HAPLN4: variants seen among roughly 807,000 people sequenced by gnomAD.
The protein encoded by HAPLN4 is hyaluronan and proteoglycan link protein 4.
HAPLN4 carries 19 observed loss-of-function variants against 28.0 expected under a neutral mutation model. The ratio of observed to expected loss-of-function variants is 0.68; its 90% confidence interval spans 0.47 to 1.00. The LOEUF (loss-of-function observed/expected upper bound fraction) is 1.00, where lower values mean the gene tolerates loss of function less well. Ranked by LOEUF, HAPLN4 falls within the 50% of genes least tolerant of loss-of-function variation. The pLI is 0.00. For synonymous variants in HAPLN4, 274 were observed against 273.0 expected (o/e 1.00, Z -0.03); for missense variants, 587 against 602.6 (o/e 0.97, Z 0.27).
At position 19,258,836 on chromosome 19, in the gene HAPLN4, G is replaced by T. The variant is rs756777177; in HGVS notation, c.504C>A (p.His168Gln). The change falls in exon 4 of 5, where the codon CAC becomes CAA. Residue 168 changes from histidine to glutamine, a missense_variant. Physicochemically the swap from His to Gln is conservative, Grantham distance 24. Transcript: ENST00000291481. This position sits in a 1 kb window ranked among gnomAD's most constrained non-coding sequence, Gnocchi z 6.2. ...TCAGCTTGTATCGGCCTCCACGGGG[G>T]TGGTAGGGAAAGACCACGCCTGGCG... is the stretch of plus-strand genomic sequence containing the variant. ...LDLEGVVFPY[H>Q]PRGGRYKLTF... 1.9e-6 allele frequency: 3 copies of T among 1,569,990 alleles called. No individual in the cohort carries two copies. Among genetic ancestry groups the T allele is most frequent in the African/African-American group, 1.4e-5 (1 of 73,916 alleles).
intron 3 of HAPLN4, 93 bp downstream of exon 3, chr19:19,260,716 ATGCC>A: frequency 2.0e-6 from 3 of 1,467,718 alleles, no homozygotes; most frequent in Non-Finnish European, 2.8e-6. Context: ...AACCTTCTAA[ATGCC>A]TGCAGGCCAA....
Position 19,261,554 on chromosome 19 carries a change from G to T in HAPLN4, c.13C>A (p.Arg5=). 6.5e-7 allele frequency: 1 copy of T among 1,542,314 alleles called. No individual in the cohort carries two copies. The highest frequency in any genetic ancestry group is 2.0e-5 in the Admixed American group (1 of 48,788). Reference sequence around the variant, plus strand: ...AGCGCGCCGGGACCGAGGGCCGCCCGAGCGCACACCTGGGGGGCGGGCACG... The same window carrying T: ...AGCGCGCCGGGACCGAGGGCCGCCCTAGCGCACACCTGGGGGGCGGGCACG... The part of the protein sequence containing the change: MVCA[R]AALGPGALWA... Residue 5 remains arginine (R), a synonymous_variant, in exon 2 of 5, where the codon CGG becomes AGG. Transcript: ENST00000291481.
In HAPLN4 at chr19:19,258,866, G is replaced by T. The variant is rs749525724; in HGVS notation, c.485-11C>A. ...AGGGAAAGACCACGCCTGGCGGGGG[G>T]CGCACGGGATCAGCAGGTACACCCC... is the stretch of plus-strand genomic sequence containing the variant. On this transcript the variant is annotated splice_polypyrimidine_tract_variant and intron_variant, in intron 3 of 4. Coordinates refer to ENST00000291481, the MANE Select transcript of HAPLN4 (RefSeq NM_023002.3). The surrounding 1 kb of genome is among the most constrained non-coding windows in gnomAD (Gnocchi z 6.2). 1 of 1,527,424 alleles carries T rather than the reference G, an allele frequency of 6.5e-7. No individual in the cohort carries two copies. Among genetic ancestry groups the T allele is most frequent in the Admixed American group, 2.0e-5 (1 of 50,968 alleles). 94.6% of individuals were successfully genotyped at this position (1,527,424 alleles called of 1,614,324 possible).
rs759653922 is a variant in HAPLN4, at chr19:19,262,718, AGCCCCACTTACCATCTTGCCCGCGCG to A, written c.-12_3+11del. The A allele has an allele frequency of 6.2e-7, 1 of 1,612,322 alleles. No homozygotes were observed. The highest frequency in any genetic ancestry group is 8.5e-7 in the Non-Finnish European group (1 of 1,179,300). ...CGGGGCACACACCACCCGCGCCCGC[AGCCCCACTTACCATCTTGCCCGCGCG>A]GCCCCCGCCGAGCGGCCCCTACGCA... On this transcript the variant is annotated splice_donor_variant and splice_donor_5th_base_variant and coding_sequence_variant and 5_prime_UTR_variant and intron_variant, in exon 1 of 5. Coordinates refer to ENST00000291481, the MANE Select transcript of HAPLN4 (RefSeq NM_023002.3). LOFTEE classifies it high-confidence loss of function.
rs748008191 is a variant in HAPLN4 at position 19,261,032 on chromosome 19, C to A, written c.265G>T (p.Val89Leu). Residue 89 changes from valine to leucine, a missense_variant, in exon 3 of 5, where the codon GTG becomes TTG. Transcript: ENST00000291481. Reference sequence around the variant, plus strand: ...TCGGTGAAGGCCAGCGGGTCCACCACCTTTGTCCACTTGAGCCGGACGCCG... The same window carrying A: ...TCGGTGAAGGCCAGCGGGTCCACCAACTTTGTCCACTTGAGCCGGACGCCG... ...HDGVRLKWTKVVDPLAFTDVF... is the reference protein window; with the variant it reads ...HDGVRLKWTKLVDPLAFTDVF... The A allele has an allele frequency of 1.7e-5, 27 of 1,613,580 alleles. No individual in the cohort carries two copies. The highest frequency in any genetic ancestry group is 2.2e-5 in the Non-Finnish European group (26 of 1,180,016).
Position 19,258,360 on chromosome 19 carries a change from C to T in HAPLN4, c.818-152G>A. The stretch of plus-strand genomic sequence containing the variant: ...CCTCCTTTGCAGCCTGGGACCCCAG[C>T]CTAGGCCCAACCAGCGTTGGTACCA... On this transcript the variant is annotated intron_variant, in intron 4 of 4. Coordinates refer to ENST00000291481, the MANE Select transcript of HAPLN4 (RefSeq NM_023002.3). The surrounding 1 kb of genome is among the most constrained non-coding windows in gnomAD (Gnocchi z 6.2). The T allele has an allele frequency of 6.9e-6, 8 of 1,167,808 alleles. No homozygotes were observed. In the South Asian group the frequency reaches 1.1e-4, roughly 16 times the overall value. The allele number at this position is 1,167,808 out of a possible 1,614,324, so 72.3% of individuals were successfully genotyped here.
rs535132106 is a variant in HAPLN4 at position 19,255,952 on chromosome 19, C to T, written c.*1865G>A. 6.6e-6 allele frequency: 1 copy of T among 152,300 alleles called. No individual in the cohort carries two copies. The highest frequency in any genetic ancestry group is 2.4e-5 in the African/African-American group (1 of 41,454). The allele number at this position is 152,300 out of a possible 1,614,324, so 9.4% of individuals were successfully genotyped here. ...GGATGGCCTTGTCCATGGATCATGT[C>T]CCCCCAGCTGCCTGTCAACGCCGAG... On this transcript the variant is annotated 3_prime_UTR_variant, in exon 5 of 5. Transcript: ENST00000291481.
chr19:19,261,276 G>C (rs2060982490), intron 2 of HAPLN4, 101 bp from the exon 3 acceptor site: 1 of 1,352,900 alleles, frequency 7.4e-7, no homozygotes, highest in Non-Finnish European at 1.0e-6. Context: ...GACTCGGGTG[G>C]GGGTCGGGGA....
rs746014123 is a variant in HAPLN4, at chr19:19,258,769, T to C, written c.571A>G (p.Ile191Val). ...TGCAGCTGTTCTGCAGATGCCAGGATGCCGTCCTGCTCGGCGCACGCGCGC... is the reference window on the plus strand; with the variant it reads ...TGCAGCTGTTCTGCAGATGCCAGGACGCCGTCCTGCTCGGCGCACGCGCGC... The part of the protein sequence containing the change: ...AQRACAEQDG[I>V]LASAEQLHAA... Residue 191 changes from isoleucine to valine, a missense_variant, in exon 4 of 5, where the codon ATC becomes GTC. Coordinates refer to ENST00000291481, the MANE Select transcript of HAPLN4 (RefSeq NM_023002.3). This position sits in a 1 kb window ranked among gnomAD's most constrained non-coding sequence, Gnocchi z 6.2. The C allele has an allele frequency of 3.1e-6, 5 of 1,604,576 alleles. No individual in the cohort carries two copies. Among genetic ancestry groups the C allele is most frequent in the Non-Finnish European group, 4.2e-6 (5 of 1,176,954 alleles).
In HAPLN4 at chr19:19,258,831, C is replaced by T. The variant is rs757926614; in HGVS notation, c.509G>A (p.Arg170His). 1.3e-6 allele frequency: 2 copies of T among 1,572,446 alleles called. No individual in the cohort carries two copies. Among genetic ancestry groups the T allele is most frequent in the Non-Finnish European group, 1.7e-6 (2 of 1,158,250 alleles). The change falls in exon 4 of 5, where the codon CGT (arginine) becomes CAT (histidine). Residue 170 changes from arginine to histidine, a missense_variant. By Grantham distance (29) the Arg-to-His change is conservative. Coordinates refer to ENST00000291481, the MANE Select transcript of HAPLN4 (RefSeq NM_023002.3). The surrounding 1 kb of genome is among the most constrained non-coding windows in gnomAD (Gnocchi z 6.2). ...GAAGGTCAGCTTGTATCGGCCTCCA[C>T]GGGGGTGGTAGGGAAAGACCACGCC... ...LEGVVFPYHP[R>H]GGRYKLTFAE...
rs1216029012 is a variant in HAPLN4 at position 19,257,852 on chromosome 19, G to C, written c.1174C>G (p.Arg392Gly). The change falls in exon 5 of 5, where the codon CGC (arginine) becomes GGC (glycine). Residue 392 changes from arginine to glycine, a missense_variant. Arg to Gly is a moderately radical substitution (Grantham distance 125). Coordinates refer to ENST00000291481, the MANE Select transcript of HAPLN4 (RefSeq NM_023002.3). The stretch of plus-strand genomic sequence containing the variant: ...AGAGGGGTCCAGGCAGCAGGATCGC[G>C]CGCGCCCCCTGCCCAGCCGCCGCCG... ...AGGGGWAGGA[R>G]DPAAWTPLHV 1 of 1,420,672 alleles carries C rather than the reference G, an allele frequency of 7.0e-7. No individual in the cohort carries two copies. Among genetic ancestry groups the C allele is most frequent in the Admixed American group, 3.2e-5 (1 of 30,938 alleles). The allele number at this position is 1,420,672 out of a possible 1,614,324, so 88.0% of individuals were successfully genotyped here.
In HAPLN4 at chr19:19,258,181, C is replaced by A; in HGVS notation, c.845G>T (p.Arg282Leu). Residue 282 changes from arginine (R) to leucine (L), a missense_variant, in exon 5 of 5, where the codon CGA becomes CTA. Coordinates refer to ENST00000291481, the MANE Select transcript of HAPLN4 (RefSeq NM_023002.3). This position sits in a 1 kb window ranked among gnomAD's most constrained non-coding sequence, Gnocchi z 6.2. ...PGRVFFLKPL[R>L]PVPFSGAARA... ...CGCAGCTCCGGAGAAGGGTACAGGT[C>A]GCAGCGGCTTCAGGAAGAACACGCG... 2.0e-6 allele frequency: 3 copies of A among 1,514,958 alleles called. No individual in the cohort carries two copies. The highest frequency in any genetic ancestry group is 4.8e-5 in the East Asian group (2 of 41,944). The allele number at this position is 1,514,958 out of a possible 1,614,324, so 93.8% of individuals were successfully genotyped here.
In HAPLN4 at chr19:19,262,772, C is replaced by T. The variant is rs1479039881; in HGVS notation, c.-40G>A. On this transcript the variant is annotated 5_prime_UTR_variant, in exon 1 of 5. Transcript: ENST00000291481. ...CCCCGCCGAGCGGCCCCTACGCACC[C>T]GGACTGCGCTCCCCGCACACCCGGT... 4 of 1,604,256 alleles carry T rather than the reference C, an allele frequency of 2.5e-6. No individual in the cohort carries two copies. Among genetic ancestry groups the T allele is most frequent in the Admixed American group, 1.7e-5 (1 of 58,648 alleles).
chr19:19,260,185 A>C (rs1327063274), intron 3 of HAPLN4, among the ~76,000 whole-genome samples: 1 of 151,984 alleles, frequency 6.6e-6, no homozygotes, highest in African/African-American at 2.4e-5. Flanking sequence ...GACATTTTGG[A>C]CTGGATCACT....
chr19:19,258,566 G>C lies in HAPLN4; in HGVS notation c.774C>G (p.Ala258=). The C allele has an allele frequency of 6.2e-7, 1 of 1,613,714 alleles. No individual in the cohort carries two copies. The highest frequency in any genetic ancestry group is 8.5e-7 in the Non-Finnish European group (1 of 1,179,876). The change falls in exon 4 of 5, where the codon GCC becomes GCG. Residue 258 remains alanine, a synonymous_variant. Coordinates refer to ENST00000291481, the MANE Select transcript of HAPLN4 (RefSeq NM_023002.3). The surrounding 1 kb of genome is among the most constrained non-coding windows in gnomAD (Gnocchi z 6.2). ...GLRNYGYRHN[A]EERYDAFCFT... The stretch of plus-strand genomic sequence containing the variant: ...AGCAGAAGGCGTCGTAGCGTTCCTC[G>C]GCGTTATGGCGATACCCGTAGTTGC...
rs932453607 is a variant in HAPLN4, at chr19:19,256,877, G to C, written c.*940C>G. On this transcript the variant is annotated 3_prime_UTR_variant, in exon 5 of 5. Coordinates refer to ENST00000291481, the MANE Select transcript of HAPLN4 (RefSeq NM_023002.3). The stretch of plus-strand genomic sequence containing the variant: ...TCATGGGTGTGCCTGATGAGGGAAG[G>C]GGTGTGTGACTCTAGGTGACAGGTA... 6.5e-6 allele frequency: 1 copy of C among 152,748 alleles called. No individual in the cohort carries two copies. The highest frequency in any genetic ancestry group is 1.5e-5 in the Non-Finnish European group (1 of 68,156). 9.5% of individuals were successfully genotyped at this position (152,748 alleles called of 1,614,324 possible). A position where few individuals can be genotyped will look rare whatever the true frequency, so the allele number is the denominator to read the frequency against.
chr19:19,261,585 C>G, intron 1 of HAPLN4, 22 bp from the exon 2 acceptor site: 2 of 1,426,700 alleles, frequency 1.4e-6, no homozygotes, highest in Non-Finnish European at 1.8e-6. Flanking sequence ...GCACGGGGCG[C>G]TCAGTCCAGC....
chr19:19,261,294 G>C, intron 2 of HAPLN4, 119 bp from the exon 3 acceptor site: 7 of 1,272,200 alleles, frequency 5.5e-6, no homozygotes, highest in Non-Finnish European at 7.7e-6. Context: ...GGAATCAGAA[G>C]GGTCCAGGGG....
At chr19:19,261,760 T>C (rs2060984302) in intron 1 of HAPLN4, 197 bp from the exon 2 acceptor site, 1 of 488,900 alleles carries the variant, frequency 2.0e-6, no homozygotes, top group Non-Finnish European at 3.6e-6. Flanking sequence ...CCCACGCCCC[T>C]AGACTCCCCC....
Sources: gnomAD v4.1 joint callset for allele counts (sites outside exome capture counted in the v4.1 genomes callset) on GRCh38, gnomAD v4.1.1 for gene constraint, Gnocchi (gnomAD v3.1) non-coding constraint, MANE v1.5 for transcripts, NCBI Gene and HGNC (gene_info 2026-07-23, HGNC 2026-07-21) for gene names.